Variants in STK32B observed in about 807,000 individuals in gnomAD.
STK32B encodes serine/threonine kinase 32B.
Under a neutral mutation model 52.6 loss-of-function variants are expected in STK32B, and 43 were observed. The observed-to-expected ratio is 0.82, with a 90% CI of 0.64 to 1.05. The LOEUF (loss-of-function observed/expected upper bound fraction) is 1.05, where lower values mean the gene tolerates loss of function less well. STK32B is among the 50% of genes least tolerant of loss of function. The pLI is 0.00. For missense variants in STK32B, 621 were observed against 534.6 expected (o/e 1.16, Z -1.59); for synonymous variants, 238 against 204.3 (o/e 1.17, Z -1.41).
intron 3 of STK32B, among the ~76,000 whole-genome samples, chr4:5,248,586 A>G (rs1191558074): frequency 6.6e-6 from 1 of 152,054 alleles, no homozygotes. Flanking sequence ...CTGGACTACT[A>G]TTCAGTGACT....
At chr4:5,233,383 G>A (rs1239227599) in intron 3 of STK32B, among the ~76,000 whole-genome samples, 3 of 152,138 alleles carry the variant, frequency 2.0e-5, no homozygotes, top group Admixed American at 1.3e-4. Flanking sequence ...GAGAACAGTT[G>A]ACATGATGAA....
In STK32B at chr4:5,398,821, C is replaced by CTCAG. The variant is rs1553883996; in HGVS notation, c.472+579_472+580insAGTC. Among the ~76,000 whole-genome samples the CTCAG allele has an allele frequency of 1.3e-5, 2 of 152,082 alleles. No individual in the cohort carries two copies. Among genetic ancestry groups the CTCAG allele is most frequent in the African/African-American group, 4.8e-5 (2 of 41,320 alleles). ...TTAGTAAGTCTGAGATGGGACTAGA[C>CTCAG]TCTGCAAAGTCCAGAGTCTGCAAAG... On this transcript the variant is annotated intron_variant, in intron 5 of 11. Transcript: ENST00000282908. This position sits in a 1 kb window ranked among gnomAD's most constrained non-coding sequence, Gnocchi z 4.9.
At position 5,343,930 on chromosome 4, in the gene STK32B, C is replaced by T. The variant is rs543063848; in HGVS notation, c.434+12537C>T. On this transcript the variant is annotated intron_variant, in intron 4 of 11. Transcript: ENST00000282908. Reference sequence around the variant, plus strand: ...TTCTCTTAAGTTTTGCATTCTACTCCGTTATGTAGTCATGATTCTTTTAAT... The same window carrying T: ...TTCTCTTAAGTTTTGCATTCTACTCTGTTATGTAGTCATGATTCTTTTAAT... 5.3e-5 allele frequency among the ~76,000 whole-genome samples: 8 copies of T among 152,228 alleles called. No homozygotes were observed. In the East Asian group the frequency reaches 9.7e-4, roughly 18 times the overall value.
chr4:5,416,007 G>A (rs1712132002), intron 5 of STK32B, among the ~76,000 whole-genome samples: 2 of 152,094 alleles, frequency 1.3e-5, no homozygotes, highest in African/African-American at 4.8e-5. Context: ...AATCCAGCCA[G>A]CCATTTTCAC....
At chr4:5,091,531 C>CTTCA (rs2108784001) in intron 1 of STK32B, among the ~76,000 whole-genome samples, 2 of 152,196 alleles carry the variant, frequency 1.3e-5, no homozygotes, top group South Asian at 4.1e-4. Context: ...TGATACACTA[C>CTTCA]TTCATACTCA....
intron 3 of STK32B, among the ~76,000 whole-genome samples, chr4:5,248,540 G>A (rs971765807): frequency 6.6e-6 from 1 of 152,134 alleles, no homozygotes; most frequent in Non-Finnish European, 1.5e-5. Context: ...TTGACACCTG[G>A]GAGACACTTG....
intron 3 of STK32B, among the ~76,000 whole-genome samples, chr4:5,208,016 A>G (rs1266895578): frequency 6.6e-6 from 1 of 152,192 alleles, no homozygotes; most frequent in Non-Finnish European, 1.5e-5. Flanking sequence ...GGGCTAAGCT[A>G]TGCTGCAGTA....
chr4:5,462,358 G>A (rs1237417057), intron 9 of STK32B, among the ~76,000 whole-genome samples: 1 of 151,868 alleles, frequency 6.6e-6, no homozygotes, highest in Non-Finnish European at 1.5e-5. Flanking sequence ...CTGTGTGTGT[G>A]CCTATATGTC....
intron 3 of STK32B, among the ~76,000 whole-genome samples, chr4:5,261,881 A>G (rs1439533190): frequency 6.6e-6 from 1 of 152,218 alleles, no homozygotes; most frequent in Non-Finnish European, 1.5e-5. Context: ...GCTAATGATG[A>G]TCTTGACAGT....
intron 1 of STK32B, among the ~76,000 whole-genome samples, chr4:5,136,844 A>T (rs1488782908): frequency 6.6e-6 from 1 of 152,108 alleles, no homozygotes; most frequent in African/African-American, 2.4e-5. Context: ...CCCCAGGGAG[A>T]TGCCAAATAA....
At chr4:5,319,058 C>T (rs755548286) in intron 3 of STK32B, among the ~76,000 whole-genome samples, 22 of 152,264 alleles carry the variant, frequency 1.4e-4, no homozygotes, top group Middle Eastern at 3.4e-3. Flanking sequence ...CCCGCCTTGG[C>T]CTCCCAAAGT....
intron 5 of STK32B, among the ~76,000 whole-genome samples, chr4:5,411,623 A>C (rs1239845942): frequency 2.0e-5 from 3 of 152,184 alleles, no homozygotes; most frequent in Non-Finnish European, 4.4e-5. Context: ...TTGACTGTCC[A>C]TAGATTATAG....
chr4:5,249,832 G>A (rs539440778), intron 3 of STK32B, among the ~76,000 whole-genome samples: 1 of 152,098 alleles, frequency 6.6e-6, no homozygotes, highest in Non-Finnish European at 1.5e-5. Flanking sequence ...GCATGTCACA[G>A]GGGTTTGGTG....
At chr4:5,417,489 CT>C (rs1712260238) in intron 6 of STK32B, among the ~76,000 whole-genome samples, 1 of 152,082 alleles carries the variant, frequency 6.6e-6, no homozygotes. Flanking sequence ...TCCTTCATTT[CT>C]TTAAAAATGT....
At chr4:5,177,426 A>G (rs1719997339) in intron 3 of STK32B, among the ~76,000 whole-genome samples, 1 of 152,156 alleles carries the variant, frequency 6.6e-6, no homozygotes, top group African/African-American at 2.4e-5. Flanking sequence ...CATTATAGGG[A>G]TTACAGTTCA....
rs1485522249 is a variant in STK32B at position 5,076,556 on chromosome 4, T to A, written c.52+24641T>A. ...ACAATTTGTTGCCCTTTATTGCTGA[T>A]AAACATTTTTTCTACATTGTTTTTT... On this transcript the variant is annotated intron_variant, in intron 1 of 11. Coordinates refer to ENST00000282908, the MANE Select transcript of STK32B (RefSeq NM_018401.3). Among the ~76,000 whole-genome samples the A allele has an allele frequency of 3.3e-5, 5 of 152,204 alleles. No individual in the cohort carries two copies. In the East Asian group the frequency reaches 9.6e-4, roughly 29 times the overall value.
At chr4:5,320,851 A>C (rs1381721267) in intron 3 of STK32B, among the ~76,000 whole-genome samples, 1 of 152,222 alleles carries the variant, frequency 6.6e-6, no homozygotes, top group African/African-American at 2.4e-5. Context: ...TTTGGGTTGA[A>C]GAGTGATGCA....
intron 3 of STK32B, among the ~76,000 whole-genome samples, chr4:5,279,958 T>A (rs1315340370): frequency 6.6e-6 from 1 of 152,188 alleles, no homozygotes; most frequent in Non-Finnish European, 1.5e-5. Flanking sequence ...ATTTTCCTTC[T>A]AGGCCTCCAG....
intron 3 of STK32B, among the ~76,000 whole-genome samples, chr4:5,294,027 C>T (rs1425986116): frequency 2.6e-5 from 4 of 152,140 alleles, no homozygotes; most frequent in African/African-American, 7.2e-5. Context: ...TTTCCCAAAA[C>T]CATTTATTAA....
Sources: gnomAD v4.1 joint callset for allele counts (sites outside exome capture counted in the v4.1 genomes callset) on GRCh38, gnomAD v4.1.1 for gene constraint, Gnocchi (gnomAD v3.1) non-coding constraint, MANE v1.5 for transcripts, NCBI Gene and HGNC (gene_info 2026-07-23, HGNC 2026-07-21) for gene names.